PDE4D: variants seen among roughly 807,000 people sequenced by gnomAD.
PDE4D encodes the protein 3',5'-cyclic-AMP phosphodiesterase 4D.
PDE4D carries 24 observed loss-of-function variants against 87.4 expected under a neutral mutation model. That is an observed-to-expected ratio of 0.27 (90% CI 0.20 to 0.39). The LOEUF is 0.39. PDE4D is among the 10% of genes least tolerant of loss of function. PDE4D has a pLI of 1.00. For missense variants in PDE4D, 714 were observed against 1,041.0 expected (o/e 0.69, Z 4.32); for synonymous variants, 384 against 383.2 (o/e 1.00, Z -0.02).
At chr5:59,601,906 C>T (rs1236847708) in intron 1 of PDE4D, among the ~76,000 whole-genome samples, 2 of 152,022 alleles carry the variant, frequency 1.3e-5, no homozygotes, top group African/African-American at 2.4e-5. Flanking sequence ...GGGTGGAATA[C>T]TTCCAAACTC....
rs376652490 is a variant in PDE4D at position 59,421,145 on chromosome 5, T to A, written c.456-205177A>T. ...TCTCATACAATCACAAGCTTGGATTTCAAGAAATCTTAGGAGAATTTTGAA... is the reference window on the plus strand; with the variant it reads ...TCTCATACAATCACAAGCTTGGATTACAAGAAATCTTAGGAGAATTTTGAA... On this transcript the variant is annotated intron_variant, in intron 1 of 14. Coordinates refer to ENST00000340635, the MANE Select transcript of PDE4D (RefSeq NM_001104631.2). Among the ~76,000 whole-genome samples, 12 of 152,338 alleles carry A rather than the reference T, an allele frequency of 7.9e-5. No homozygotes were observed. The East Asian group carries it at 1.9e-3, about 24-fold the overall frequency.
At chr5:59,791,860 T>G (rs1357839056) in intron 1 of PDE4D, among the ~76,000 whole-genome samples, 1 of 152,150 alleles carries the variant, frequency 6.6e-6, no homozygotes, top group African/African-American at 2.4e-5. Context: ...TCACTTTCTC[T>G]CCTCATAAAT....
intron 1 of PDE4D, among the ~76,000 whole-genome samples, chr5:60,416,193 CAAAACAGACCAATCAGCTCTCTGT>C (rs1441421670): frequency 1.5e-4 from 23 of 152,192 alleles, no homozygotes; most frequent in Middle Eastern, 6.8e-3. Flanking sequence ...AGCACACTGT[CAAAACAGACCAATCAGCTCTCTGT>C]AAAACAGACC....
chr5:59,918,193 CTCAAG>C (rs1754283328), intron 3 of PDE4D, among the ~76,000 whole-genome samples: 1 of 151,724 alleles, frequency 6.6e-6, no homozygotes, highest in African/African-American at 2.4e-5. Flanking sequence ...AAGCTTTATA[CTCAAG>C]TCAGTTACTG....
At chr5:59,538,651 G>A (rs1234781232) in intron 1 of PDE4D, among the ~76,000 whole-genome samples, 2 of 152,074 alleles carry the variant, frequency 1.3e-5, no homozygotes, top group African/African-American at 4.8e-5. Context: ...CTTCAGCACT[G>A]TCCTTCCCCA....
rs1420928389 is a variant in PDE4D at position 59,247,866 on chromosome 5, A to C, written c.456-31898T>G. On this transcript the variant is annotated intron_variant, in intron 1 of 14. Coordinates refer to ENST00000340635, the MANE Select transcript of PDE4D (RefSeq NM_001104631.2). ...TCTGATTACTACTGGCTTCTGCTTT[A>C]ATTCCCTGTGCTTATCTTCCGTCCC... Among the ~76,000 whole-genome samples the C allele has an allele frequency of 4.0e-5, 6 of 151,686 alleles. No individual in the cohort carries two copies. In the East Asian group the frequency reaches 9.8e-4, roughly 25 times the overall value.
At chr5:59,079,843 A>AGGAGG (rs1303710123) in intron 5 of PDE4D, among the ~76,000 whole-genome samples, 1 of 87,896 alleles carries the variant, frequency 1.1e-5, no homozygotes, top group Non-Finnish European at 2.1e-5. Flanking sequence ...AGGAGGGGAG[A>AGGAGG]GGAGGGGAGA....
At chr5:59,357,558 G>A (rs781174099) in intron 1 of PDE4D, among the ~76,000 whole-genome samples, 4 of 152,116 alleles carry the variant, frequency 2.6e-5, no homozygotes, top group East Asian at 3.9e-4. Context: ...GAGATGCTGC[G>A]TCACCTTAGA....
chr5:60,272,016 A>G (rs576866490), intron 1 of PDE4D, among the ~76,000 whole-genome samples: 1 of 152,358 alleles, frequency 6.6e-6, no homozygotes, highest in South Asian at 2.1e-4. Context: ...GGACAGAAAC[A>G]AGAATAAGCA....
At chr5:59,591,168 A>G (rs1479794205) in intron 1 of PDE4D, among the ~76,000 whole-genome samples, 1 of 152,204 alleles carries the variant, frequency 6.6e-6, no homozygotes, top group Non-Finnish European at 1.5e-5. Context: ...CTCTTTAAAA[A>G]AAATTACAAA....
intron 1 of PDE4D, among the ~76,000 whole-genome samples, chr5:59,389,392 AT>A (rs1787782007): frequency 6.6e-6 from 1 of 151,774 alleles, no homozygotes; most frequent in Non-Finnish European, 1.5e-5. Flanking sequence ...TAAAATTTTA[AT>A]ATATATTTTC....
At chr5:59,465,467 C>T (rs1271206487) in intron 1 of PDE4D, among the ~76,000 whole-genome samples, 1 of 152,154 alleles carries the variant, frequency 6.6e-6, no homozygotes, top group Non-Finnish European at 1.5e-5. Context: ...CACATACCCT[C>T]CCTGTTATAA....
At chr5:59,363,869 C>T (rs1782618045) in intron 1 of PDE4D, among the ~76,000 whole-genome samples, 1 of 152,064 alleles carries the variant, frequency 6.6e-6, no homozygotes, top group South Asian at 2.1e-4. Flanking sequence ...ACTGTGGTAA[C>T]TAGAGAGAGA....
At chr5:59,039,946 G>T (rs960960718) in intron 5 of PDE4D, 1 of 152,254 alleles carries the variant, frequency 6.6e-6, no homozygotes, top group Admixed American at 6.5e-5. Context: ...AGGCGCGCAC[G>T]GCCGCGCACC....
At chr5:59,010,283 C>T (rs150758885) in intron 6 of PDE4D, among the ~76,000 whole-genome samples, 143 of 152,054 alleles carry the variant, frequency 9.4e-4, no homozygotes, top group African/African-American at 3.2e-3. Flanking sequence ...GCTGAGATCG[C>T]GCCACTGCAC....
intron 1 of PDE4D, among the ~76,000 whole-genome samples, chr5:59,216,240 T>G (rs927076654): frequency 4.6e-5 from 7 of 152,200 alleles, no homozygotes; most frequent in Admixed American, 2.6e-4. Context: ...GGAAACACTC[T>G]GCAAAACATA....
At chr5:59,009,841 T>A (rs1378751019) in intron 6 of PDE4D, among the ~76,000 whole-genome samples, 6 of 152,190 alleles carry the variant, frequency 3.9e-5, no homozygotes. Flanking sequence ...AATTCCAGAT[T>A]TGCTTAACTT....
At chr5:59,394,040 C>T (rs2168649) in intron 1 of PDE4D, among the ~76,000 whole-genome samples, 2,267 of 152,202 alleles carry the variant, frequency 0.015, 59 homozygotes, top group African/African-American at 0.052. Flanking sequence ...TCATTTCTTT[C>T]GATTGAAGGT....
At chr5:59,298,596 T>A (rs1311697941) in intron 1 of PDE4D, among the ~76,000 whole-genome samples, 1 of 152,202 alleles carries the variant, frequency 6.6e-6, no homozygotes, top group African/African-American at 2.4e-5. Context: ...TTAAATTTGG[T>A]GAAAACATAT....
Sources: allele counts gnomAD v4.1 joint callset (sites outside exome capture counted in the v4.1 genomes callset), GRCh38; gene constraint gnomAD v4.1.1; transcripts MANE v1.5; gene names NCBI Gene and HGNC (gene_info 2026-07-23, HGNC 2026-07-21).